RARB: variants seen among roughly 807,000 people sequenced by gnomAD.
RARB encodes the protein retinoic acid receptor beta, also known as HBV-activated protein.
Under a neutral mutation model 51.9 loss-of-function variants are expected in RARB, and 17 were observed. That is an observed-to-expected ratio of 0.33 (90% CI 0.22 to 0.49). The LOEUF is 0.49. Ranked by LOEUF, RARB falls within the 20% of genes least tolerant of loss-of-function variation. The probability of loss-of-function intolerance (pLI) is 0.99; values close to 1 mark genes in which losing one functional copy is unlikely to be tolerated. For synonymous variants in RARB, 215 were observed against 195.4 expected, an observed-to-expected ratio of 1.10 and a Z score of -0.84; for missense variants, 369 against 550.8, an observed-to-expected ratio of 0.67 and a Z score of 3.30.
chr3:25,329,620 C>T (rs746579063), intron 5 of RARB, among the ~76,000 whole-genome samples: 43 of 152,172 alleles, frequency 2.8e-4, no homozygotes, highest in Non-Finnish European at 5.6e-4. Flanking sequence ...CAAAGGAATG[C>T]AGCTGCTCGA....
chr3:25,257,840 C>T (rs149554519), intron 5 of RARB, among the ~76,000 whole-genome samples: 1 of 152,150 alleles, frequency 6.6e-6, no homozygotes, highest in East Asian at 1.9e-4. Context: ...TTTAAAACAC[C>T]CCAAATACCA....
intron 5 of RARB, among the ~76,000 whole-genome samples, chr3:25,235,666 A>G (rs746776495): frequency 1.0e-3 from 157 of 152,292 alleles, no homozygotes; most frequent in Non-Finnish European, 9.6e-4. Context: ...TCTATTATCT[A>G]TTACAGCTCT....
intron 2 of RARB, among the ~76,000 whole-genome samples, chr3:24,910,638 T>C (rs928798583): frequency 3.3e-5 from 5 of 152,188 alleles, no homozygotes; most frequent in African/African-American, 1.2e-4. Flanking sequence ...GGTCTGGTAG[T>C]TTTTTCTCAA....
In RARB at chr3:25,433,975, G is replaced by A. The variant is rs147834579; in HGVS notation, c.157+5087G>A. 2.0e-5 allele frequency among the ~76,000 whole-genome samples: 3 copies of A among 152,334 alleles called. No homozygotes were observed. The East Asian group carries it at 5.8e-4, about 29-fold the overall frequency. On this transcript the variant is annotated intron_variant, in intron 1 of 7. Transcript: ENST00000330688. The stretch of plus-strand genomic sequence containing the variant: ...TAGATGGGAAGTCAAACAGGCAATG[G>A]AACTGCTGACTTGCTCTTTCTCTGG...
At chr3:25,588,383 C>T (rs1232519374) in intron 5 of RARB, among the ~76,000 whole-genome samples, 3 of 152,056 alleles carry the variant, frequency 2.0e-5, no homozygotes, top group Admixed American at 6.6e-5. Flanking sequence ...TCAAAGGAGC[C>T]GGTAGGTGCT....
intron 4 of RARB, among the ~76,000 whole-genome samples, chr3:25,141,112 G>A (rs1007900432): frequency 6.6e-6 from 1 of 151,778 alleles, no homozygotes; most frequent in Non-Finnish European, 1.5e-5. Flanking sequence ...GAGGTATACC[G>A]ATATTAAAAA....
intron 5 of RARB, among the ~76,000 whole-genome samples, chr3:25,342,274 G>A (rs1705251661): frequency 6.6e-6 from 1 of 152,164 alleles, no homozygotes; most frequent in South Asian, 2.1e-4. Context: ...TAAACTCTAT[G>A]TATAACATTT....
intron 3 of RARB, among the ~76,000 whole-genome samples, chr3:25,125,170 C>T (rs1603971): frequency 1 from 151,637 of 152,322 alleles, 75,477 homozygotes; most frequent in East Asian, 1. Context: ...ATACTGTTGC[C>T]AAGTGAATGA....
chr3:25,171,090 C>T (rs896443760), intron 4 of RARB, among the ~76,000 whole-genome samples: 6 of 151,896 alleles, frequency 4.0e-5, no homozygotes, highest in Non-Finnish European at 8.8e-5. Context: ...GACATAAAGC[C>T]TACTTCTCTT....
chr3:24,943,159 A>G (rs1204298223), intron 2 of RARB, among the ~76,000 whole-genome samples: 1 of 152,204 alleles, frequency 6.6e-6, no homozygotes, highest in African/African-American at 2.4e-5. Flanking sequence ...TTGTTGGGGT[A>G]ATCTTAATTG....
chr3:24,878,474 T>C (rs551540890), intron 2 of RARB, among the ~76,000 whole-genome samples: 1 of 152,152 alleles, frequency 6.6e-6, no homozygotes, highest in Non-Finnish European at 1.5e-5. Context: ...GCAAAAGAGC[T>C]GACTGGAGGC....
At chr3:24,944,199 C>G (rs544821134) in intron 2 of RARB, among the ~76,000 whole-genome samples, 2 of 152,284 alleles carry the variant, frequency 1.3e-5, no homozygotes, top group South Asian at 2.1e-4. Context: ...TCTTGTTTCT[C>G]TCACTCACGG....
intron 2 of RARB, among the ~76,000 whole-genome samples, chr3:24,981,557 G>A (rs1257083854): frequency 6.6e-6 from 1 of 152,166 alleles, no homozygotes; most frequent in Non-Finnish European, 1.5e-5. Context: ...CGTTAGCAGA[G>A]AGCAAGGCTC....
At chr3:25,340,378 C>T (rs1194554801) in intron 5 of RARB, among the ~76,000 whole-genome samples, 1 of 152,066 alleles carries the variant, frequency 6.6e-6, no homozygotes. Context: ...TATAACCATC[C>T]CTTCATGCTA....
intron 5 of RARB, among the ~76,000 whole-genome samples, chr3:25,375,119 T>C (rs1170260884): frequency 1.3e-5 from 2 of 152,186 alleles, no homozygotes; most frequent in Non-Finnish European, 2.9e-5. Flanking sequence ...AAAACTGTGT[T>C]ACAGGAGATC....
Position 25,410,318 on chromosome 3 carries a change from C to T in RARB, c.179-50875C>T, listed in dbSNP as rs148343786. ...CAGGTGCTGCCTTTAAACCATATCA[C>T]AAATCTGTCTCTCTTACTTTCTTTT... On this transcript the variant is annotated intron_variant, in intron 5 of 11. Transcript: ENST00000383772. 6.3e-3 allele frequency among the ~76,000 whole-genome samples: 961 copies of T among 152,292 alleles called. 7 individuals carry two copies. Among genetic ancestry groups the T allele is most frequent in the Non-Finnish European group, 0.011 (743 of 68,032 alleles).
At chr3:25,401,869 C>T (rs764091525) in intron 5 of RARB, among the ~76,000 whole-genome samples, 1 of 152,056 alleles carries the variant, frequency 6.6e-6, no homozygotes, top group Non-Finnish European at 1.5e-5. Context: ...CTCTGCCTCC[C>T]GGGTTCAAGT....
chr3:24,957,807 G>T (rs1163827373), intron 2 of RARB, among the ~76,000 whole-genome samples: 1 of 152,124 alleles, frequency 6.6e-6, no homozygotes, highest in African/African-American at 2.4e-5. Context: ...CGTTAGAAAA[G>T]AGTGGGTAGG....
At chr3:24,947,130 T>G (rs555734964) in intron 2 of RARB, among the ~76,000 whole-genome samples, 1 of 152,272 alleles carries the variant, frequency 6.6e-6, no homozygotes, top group Non-Finnish European at 1.5e-5. Context: ...ACAAGACATA[T>G]GTCTACACTG....
Sources: allele counts gnomAD v4.1 joint callset (sites outside exome capture counted in the v4.1 genomes callset), GRCh38; gene constraint gnomAD v4.1.1; transcripts MANE v1.5; gene names NCBI Gene and HGNC (gene_info 2026-07-23, HGNC 2026-07-21).